ARHGAP25: variants seen among roughly 807,000 people sequenced by gnomAD.
ARHGAP25 encodes Rho GTPase activating protein 25.
A neutral mutation model predicts 71.0 loss-of-function variants in ARHGAP25; 34 were observed. The ratio of observed to expected loss-of-function variants is 0.48; its 90% CI spans 0.36 to 0.64. The LOEUF (loss-of-function observed/expected upper bound fraction) is 0.64, where lower values mean the gene tolerates loss of function less well. Ranked by LOEUF, ARHGAP25 falls within the 30% of genes least tolerant of loss-of-function variation. ARHGAP25 has a pLI of 0.00. For synonymous variants in ARHGAP25, 282 were observed against 296.5 expected (o/e 0.95, Z 0.50); for missense variants, 706 against 805.1 (o/e 0.88, Z 1.49).
chr2:68,820,429 G>A (rs1681559196), intron 9 of ARHGAP25, among the ~76,000 whole-genome samples: 1 of 152,156 alleles, frequency 6.6e-6, no homozygotes, highest in East Asian at 1.9e-4. Context: ...TATAGAGGAG[G>A]ACTCAGATCC....
intron 1 of ARHGAP25, among the ~76,000 whole-genome samples, chr2:68,737,176 C>G (rs1675266754): frequency 6.7e-6 from 1 of 150,164 alleles, no homozygotes; most frequent in Non-Finnish European, 1.5e-5. Flanking sequence ...GTCACATGAA[C>G]TAGAATTCAG....
chr2:68,736,852 C>T (rs141502239), intron 1 of ARHGAP25, among the ~76,000 whole-genome samples: 3 of 152,052 alleles, frequency 2.0e-5, no homozygotes, highest in Non-Finnish European at 4.4e-5. Flanking sequence ...CAAGCACCCC[C>T]CACTTTCATC....
intron 5 of ARHGAP25, among the ~76,000 whole-genome samples, chr2:68,808,886 A>G (rs2103636698): frequency 6.6e-6 from 1 of 152,260 alleles, no homozygotes; most frequent in Middle Eastern, 3.4e-3. Context: ...GTGGTGTGGG[A>G]ATCTTTGATT....
At chr2:68,749,304 G>T (rs1287893084) in intron 1 of ARHGAP25, among the ~76,000 whole-genome samples, 1 of 152,162 alleles carries the variant, frequency 6.6e-6, no homozygotes, top group East Asian at 1.9e-4. Flanking sequence ...TGCAAATTAT[G>T]TAACTGACTG....
chr2:68,712,089 C>T (rs1674498461), intron 2 of ARHGAP25, among the ~76,000 whole-genome samples: 1 of 152,220 alleles, frequency 6.6e-6, no homozygotes, highest in Admixed American at 6.5e-5. Context: ...GGAATTTCCA[C>T]ACTGTCTTCC....
At chr2:68,795,478 G>C (rs1037435412) in intron 4 of ARHGAP25, among the ~76,000 whole-genome samples, 1 of 151,954 alleles carries the variant, frequency 6.6e-6, no homozygotes, top group Non-Finnish European at 1.5e-5. Flanking sequence ...ATTTTCATTT[G>C]TTTAAAAAAT....
chr2:68,746,951 T>C (rs1573419389), intron 1 of ARHGAP25, among the ~76,000 whole-genome samples: 1 of 141,444 alleles, frequency 7.1e-6, no homozygotes, highest in South Asian at 2.3e-4. Flanking sequence ...GAGGTTGTGG[T>C]GAGCCGAGAT....
intron 2 of ARHGAP25, among the ~76,000 whole-genome samples, chr2:68,716,833 G>C (rs1674617628): frequency 1.3e-5 from 2 of 152,088 alleles, no homozygotes; most frequent in Admixed American, 1.3e-4. Flanking sequence ...TGCCACAGCT[G>C]GTCGTTCTCT....
At chr2:68,747,165 C>G (rs1675882799) in intron 1 of ARHGAP25, among the ~76,000 whole-genome samples, 1 of 152,058 alleles carries the variant, frequency 6.6e-6, no homozygotes, top group African/African-American at 2.4e-5. Context: ...TTGACACAAT[C>G]AGGCATTTTC....
At chr2:68,806,220 G>A (rs530457808) in intron 4 of ARHGAP25, among the ~76,000 whole-genome samples, 3 of 152,312 alleles carry the variant, frequency 2.0e-5, no homozygotes, top group South Asian at 2.1e-4. Context: ...AGAATGAAAC[G>A]CTTTTGTTCA....
intron 2 of ARHGAP25, among the ~76,000 whole-genome samples, chr2:68,729,051 C>A (rs1674946821): frequency 6.6e-6 from 1 of 152,180 alleles, no homozygotes; most frequent in Non-Finnish European, 1.5e-5. Flanking sequence ...AGAACAGACA[C>A]CTTTGTCCAT....
At chr2:68,812,190 T>C (rs2103658694) in intron 5 of ARHGAP25, among the ~76,000 whole-genome samples, 1 of 152,346 alleles carries the variant, frequency 6.6e-6, no homozygotes, top group Non-Finnish European at 1.5e-5. Context: ...GGTGGTGTTC[T>C]TCTATAATTT....
intron 1 of ARHGAP25, among the ~76,000 whole-genome samples, chr2:68,761,859 C>G (rs1676843156): frequency 2.0e-5 from 3 of 152,162 alleles, no homozygotes. Flanking sequence ...GAATTACTAT[C>G]TGATCCCACA....
chr2:68,735,363 C>A (rs995059199), intron 1 of ARHGAP25, 103 bp downstream of exon 1: 3 of 1,238,530 alleles, frequency 2.4e-6, no homozygotes, highest in African/African-American at 1.5e-5. Context: ...AAATGGATCT[C>A]GCAGCAAATC....
chr2:68,741,568 A>C (rs1044658257), intron 1 of ARHGAP25, among the ~76,000 whole-genome samples: 3 of 152,162 alleles, frequency 2.0e-5, no homozygotes, highest in Non-Finnish European at 2.9e-5. Flanking sequence ...ACTTTAAAAA[A>C]TGTTATTATT....
chr2:68,761,629 T>C (rs1676827132), intron 1 of ARHGAP25, among the ~76,000 whole-genome samples: 1 of 152,050 alleles, frequency 6.6e-6, no homozygotes, highest in Admixed American at 6.6e-5. Flanking sequence ...ATAAATGAAA[T>C]GATGCTATCA....
chr2:68,790,464 G>A (rs1343559475), intron 4 of ARHGAP25, among the ~76,000 whole-genome samples: 1 of 152,218 alleles, frequency 6.6e-6, no homozygotes, highest in Admixed American at 6.5e-5. Context: ...CCCAGGAGGT[G>A]AGGGGCAGGG....
At chr2:68,781,073 T>C (rs2311410) in intron 2 of ARHGAP25, among the ~76,000 whole-genome samples, 128,937 of 152,140 alleles carry the variant, frequency 0.85, 54,982 homozygotes, top group African/African-American at 0.88. Context: ...GGATATGGAG[T>C]TGTTGTGGGG....
intron 1 of ARHGAP25, among the ~76,000 whole-genome samples, chr2:68,760,965 T>C (rs1413879073): frequency 6.6e-6 from 1 of 151,788 alleles, no homozygotes; most frequent in East Asian, 1.9e-4. Flanking sequence ...GTTACAAAAT[T>C]TAGAGTAAAC....
Sources: gnomAD v4.1 joint callset for allele counts (sites outside exome capture counted in the v4.1 genomes callset) on GRCh38, gnomAD v4.1.1 for gene constraint, MANE v1.5 for transcripts, NCBI Gene and HGNC (gene_info 2026-07-23, HGNC 2026-07-21) for gene names.